ATF6: variants seen among roughly 807,000 people sequenced by gnomAD.
The protein encoded by ATF6 is activating transcription factor 6, also known as cyclic AMP-dependent transcription factor ATF-6 alpha.
ATF6 carries 53 observed loss-of-function variants against 83.6 expected under a neutral mutation model. That is an observed-to-expected ratio of 0.63 (90% confidence interval 0.51 to 0.80). The LOEUF (loss-of-function observed/expected upper bound fraction) is 0.80, where lower values mean the gene tolerates loss of function less well. Ranked by LOEUF, ATF6 falls within the 30% of genes least tolerant of loss-of-function variation. The pLI is 0.00. For missense variants in ATF6, 744 were observed against 797.9 expected (o/e 0.93, Z 0.81); for synonymous variants, 288 against 285.8 (o/e 1.01, Z -0.08).
At chr1:161,836,283 AC>A (rs150308220) in intron 9 of ATF6, among the ~76,000 whole-genome samples, 1,980 of 152,308 alleles carry the variant, frequency 0.013, 48 homozygotes, top group African/African-American at 0.044. Flanking sequence ...GTTGTTGAGC[AC>A]ATTTCGCCAT....
At chr1:161,913,532 C>CT (rs1467514694) in intron 15 of ATF6, among the ~76,000 whole-genome samples, 1 of 152,058 alleles carries the variant, frequency 6.6e-6, no homozygotes, top group Non-Finnish European at 1.5e-5. Flanking sequence ...CATAAATGGG[C>CT]TTTTTGTTAA....
intron 10 of ATF6, among the ~76,000 whole-genome samples, chr1:161,848,352 A>G (rs900179570): frequency 6.6e-6 from 1 of 151,918 alleles, no homozygotes; most frequent in South Asian, 2.1e-4. Context: ...TGTTTTATCT[A>G]TTTTCAGCCG....
chr1:161,927,710 C>T (rs1261457402), intron 15 of ATF6, among the ~76,000 whole-genome samples: 1 of 152,084 alleles, frequency 6.6e-6, no homozygotes, highest in African/African-American at 2.4e-5. Flanking sequence ...AAGGACCACC[C>T]TAATTGACAG....
At chr1:161,837,622 AT>A (rs569010142) in intron 9 of ATF6, among the ~76,000 whole-genome samples, 4,612 of 144,326 alleles carry the variant, frequency 0.032, 242 homozygotes, top group African/African-American at 0.11. Flanking sequence ...CCTTTCTCCC[AT>A]TTTTTTTTTT....
At chr1:161,894,390 A>C (rs1224198914) in intron 14 of ATF6, among the ~76,000 whole-genome samples, 1 of 151,878 alleles carries the variant, frequency 6.6e-6, no homozygotes, top group African/African-American at 2.4e-5. Flanking sequence ...CTTAAACCAC[A>C]TAAATGATGG....
At position 161,961,343 on chromosome 1, in the gene ATF6, C is replaced by G. The variant is rs1046052721; in HGVS notation, c.*2689C>G. ...TTTGTCTCTCACTAGCCCTTCTACT[C>G]TTTGTCATTGCCTGTTCTTGAGTGG... On this transcript the variant is annotated 3_prime_UTR_variant, in exon 16 of 16. Coordinates refer to ENST00000367942, the MANE Select transcript of ATF6 (RefSeq NM_007348.4). 2 of 152,268 alleles carry G rather than the reference C, an allele frequency of 1.3e-5. No individual in the cohort carries two copies. The highest frequency in any genetic ancestry group is 4.8e-5 in the African/African-American group (2 of 41,462). The allele number at this position is 152,268 out of a possible 1,614,324, so 9.4% of individuals were successfully genotyped here. A position where few individuals can be genotyped will look rare whatever the true frequency, so the allele number is the denominator to read the frequency against.
intron 15 of ATF6, among the ~76,000 whole-genome samples, chr1:161,933,176 C>T (rs1688468464): frequency 6.6e-6 from 1 of 152,168 alleles, no homozygotes; most frequent in South Asian, 2.1e-4. Context: ...TAGAGGCTGC[C>T]TGTCACACTC....
At position 161,912,286 on chromosome 1, in the gene ATF6, T is replaced by A. The variant is rs1044236857; in HGVS notation, c.1720-10T>A. On this transcript the variant is annotated splice_polypyrimidine_tract_variant and intron_variant, in intron 14 of 15. Coordinates refer to ENST00000367942, the MANE Select transcript of ATF6 (RefSeq NM_007348.4). Reference sequence around the variant, plus strand: ...GTTATATATAACAGATTGTTCTTTGTTAATTTTAGGATCACCTGCTGTTAC... The same window carrying A: ...GTTATATATAACAGATTGTTCTTTGATAATTTTAGGATCACCTGCTGTTAC... The A allele has an allele frequency of 5.6e-6, 9 of 1,596,756 alleles. No homozygotes were observed. Among genetic ancestry groups the A allele is most frequent in the Non-Finnish European group, 7.7e-6 (9 of 1,171,272 alleles).
At chr1:161,848,823 G>A (rs1414772086) in intron 10 of ATF6, among the ~76,000 whole-genome samples, 1 of 152,028 alleles carries the variant, frequency 6.6e-6, no homozygotes, top group Non-Finnish European at 1.5e-5. Flanking sequence ...CTCGAACTCT[G>A]ACTGTTCCTG....
rs562455098 is a variant in ATF6 at position 161,881,609 on chromosome 1, C to A, written c.1719+18297C>A. On this transcript the variant is annotated intron_variant, in intron 14 of 15. Coordinates refer to ENST00000367942, the MANE Select transcript of ATF6 (RefSeq NM_007348.4). Reference sequence around the variant, plus strand: ...TTCCATACCCTCTCCAAGTAGGCTACCTTCCAGGCACCTCCTCATGTTCAG... The same window carrying A: ...TTCCATACCCTCTCCAAGTAGGCTAACTTCCAGGCACCTCCTCATGTTCAG... 3.9e-5 allele frequency among the ~76,000 whole-genome samples: 6 copies of A among 152,282 alleles called. No homozygotes were observed. In the South Asian group the frequency reaches 1.2e-3, roughly 32 times the overall value.
chr1:161,790,921 A>G (rs1403167347), intron 4 of ATF6, among the ~76,000 whole-genome samples: 1 of 152,244 alleles, frequency 6.6e-6, no homozygotes, highest in African/African-American at 2.4e-5. Context: ...TAGAAAACAG[A>G]AAAGAATACA....
chr1:161,933,092 T>A (rs372164497), intron 15 of ATF6, among the ~76,000 whole-genome samples: 55 of 152,318 alleles, frequency 3.6e-4, no homozygotes, highest in African/African-American at 1.2e-3. Flanking sequence ...AACTATTATG[T>A]TCAGCCCACT....
At chr1:161,850,950 A>G (rs1235570158) in intron 10 of ATF6, among the ~76,000 whole-genome samples, 1 of 152,144 alleles carries the variant, frequency 6.6e-6, no homozygotes, top group East Asian at 1.9e-4. Flanking sequence ...ATGAATTCAC[A>G]TGATCTACAT....
Position 161,960,964 on chromosome 1 carries a change from A to G in ATF6, c.*2310A>G, listed in dbSNP as rs1050669558. ...GAACTGTCATACGTTATCATGGTCA[A>G]TGTAAACCTGGTTTGTGTGGGGTGA... On this transcript the variant is annotated 3_prime_UTR_variant, in exon 16 of 16. Transcript: ENST00000367942. The G allele has an allele frequency of 1.3e-5, 2 of 152,234 alleles. No homozygotes were observed. Among genetic ancestry groups the G allele is most frequent in the Non-Finnish European group, 2.9e-5 (2 of 68,060 alleles). The allele number at this position is 152,234 out of a possible 1,614,324, so 9.4% of individuals were successfully genotyped here. A position where few individuals can be genotyped will look rare whatever the true frequency, so the allele number is the denominator to read the frequency against.
chr1:161,908,232 C>T (rs1005202645), intron 14 of ATF6, among the ~76,000 whole-genome samples: 1 of 152,124 alleles, frequency 6.6e-6, no homozygotes, highest in Non-Finnish European at 1.5e-5. Flanking sequence ...TTTGATAACT[C>T]TCAGTAGGGC....
chr1:161,791,293 T>C, intron 4 of ATF6, 115 bp from the exon 5 acceptor site: 1 of 775,926 alleles, frequency 1.3e-6, no homozygotes, highest in Non-Finnish European at 2.0e-6. Flanking sequence ...TAATATACCT[T>C]TCCTTTGAAG....
rs190758506 is a variant in ATF6 at position 161,767,158 on chromosome 1, A to T, written c.82+716A>T. Among the ~76,000 whole-genome samples the T allele has an allele frequency of 4.0e-3, 615 of 152,270 alleles. 8 individuals carry two copies. Among genetic ancestry groups the T allele is most frequent in the African/African-American group, 0.014 (598 of 41,568 alleles). ...CTTTTATTCTCCTCTTGATTGCAAGATATAATAGTAATATTGTTCTTAGGT... is the reference window on the plus strand; with the variant it reads ...CTTTTATTCTCCTCTTGATTGCAAGTTATAATAGTAATATTGTTCTTAGGT... On this transcript the variant is annotated intron_variant, in intron 1 of 15. Coordinates refer to ENST00000367942, the MANE Select transcript of ATF6 (RefSeq NM_007348.4).
rs887736702 is a variant in ATF6, at chr1:161,768,131, G to A, written c.82+1689G>A. ...CGGCCTCCCAAAGTGCTGGGATTACGGGTGTGAGCCACTGTGCCCGGCCAG... is the reference window on the plus strand; with the variant it reads ...CGGCCTCCCAAAGTGCTGGGATTACAGGTGTGAGCCACTGTGCCCGGCCAG... On this transcript the variant is annotated intron_variant, in intron 1 of 15. Transcript: ENST00000367942. Among the ~76,000 whole-genome samples the A allele has an allele frequency of 5.6e-4, 86 of 152,268 alleles. 1 individual carries two copies. The highest frequency in any genetic ancestry group is 5.2e-3 in the Admixed American group (80 of 15,302).
At chr1:161,780,118 TTA>T in intron 2 of ATF6, among the ~76,000 whole-genome samples, 1 of 152,228 alleles carries the variant, frequency 6.6e-6, no homozygotes, top group East Asian at 1.9e-4. Context: ...AATGGTTTTT[TTA>T]TGATTTAAAT....
Sources: allele counts gnomAD v4.1 joint callset (sites outside exome capture counted in the v4.1 genomes callset), GRCh38; gene constraint gnomAD v4.1.1; transcripts MANE v1.5; gene names NCBI Gene and HGNC (gene_info 2026-07-23, HGNC 2026-07-21).